Variants in FBXL13 observed in about 807,000 individuals in gnomAD.
FBXL13 encodes the protein F-box and leucine-rich repeat protein 13.
Under a neutral mutation model 83.6 loss-of-function variants are expected in FBXL13, and 67 were observed. That is an observed-to-expected ratio of 0.80 (90% CI 0.66 to 0.98). The LOEUF (loss-of-function observed/expected upper bound fraction) is 0.98, where lower values mean the gene tolerates loss of function less well. FBXL13 is among the 50% of genes least tolerant of loss of function. The probability of loss-of-function intolerance (pLI) is 0.00; values close to 1 mark genes in which losing one functional copy is unlikely to be tolerated. For missense variants in FBXL13, 822 were observed against 866.5 expected, an observed-to-expected ratio of 0.95 and a Z score of 0.64; for synonymous variants, 272 against 299.5, an observed-to-expected ratio of 0.91 and a Z score of 0.95.
intron 2 of FBXL13, among the ~76,000 whole-genome samples, chr7:103,035,540 G>A (rs1794983711): frequency 6.6e-6 from 1 of 152,026 alleles, no homozygotes; most frequent in Non-Finnish European, 1.5e-5. Flanking sequence ...TTTAATATAA[G>A]TAGTAATTGA....
intron 10 of FBXL13, among the ~76,000 whole-genome samples, chr7:102,915,747 G>A (rs1815726270): frequency 6.6e-6 from 1 of 150,920 alleles, no homozygotes; most frequent in South Asian, 2.1e-4. Context: ...ACATTTATGA[G>A]TAGAATAGTA....
intron 6 of FBXL13, among the ~76,000 whole-genome samples, chr7:103,020,426 G>A (rs1318014763): frequency 6.6e-6 from 1 of 152,208 alleles, no homozygotes; most frequent in Non-Finnish European, 1.5e-5. Flanking sequence ...AGACAAGGAT[G>A]TCCTCTCTCA....
chr7:102,973,422 GT>G, intron 6 of FBXL13: 1 of 706,768 alleles, frequency 1.4e-6, no homozygotes, highest in Non-Finnish European at 2.6e-6. Context: ...CCACATAGCA[GT>G]TACATCAGAC....
intron 9 of FBXL13, among the ~76,000 whole-genome samples, chr7:102,930,084 A>G (rs917036967): frequency 5.9e-5 from 9 of 152,166 alleles, no homozygotes; most frequent in African/African-American, 1.9e-4. Context: ...CAAAGACACA[A>G]TGAAATAGCA....
At chr7:103,070,866 A>G (rs1173051252) in intron 1 of FBXL13, among the ~76,000 whole-genome samples, 1 of 152,252 alleles carries the variant, frequency 6.6e-6, no homozygotes, top group East Asian at 1.9e-4. Flanking sequence ...ATCTGCCCAC[A>G]TGACTCAAAT....
intron 18 of FBXL13, among the ~76,000 whole-genome samples, chr7:102,823,389 A>G (rs1446406335): frequency 6.6e-6 from 1 of 152,218 alleles, no homozygotes; most frequent in Non-Finnish European, 1.5e-5. Context: ...AGATGTAAAA[A>G]AGATGGAGTA....
At chr7:102,953,196 C>T (rs547454520) in intron 8 of FBXL13, among the ~76,000 whole-genome samples, 1 of 152,132 alleles carries the variant, frequency 6.6e-6, no homozygotes, top group South Asian at 2.1e-4. Context: ...AAAGACATCA[C>T]AAGAAGGAAA....
downstream of FBXL13, among the ~76,000 whole-genome samples, chr7:102,812,012 TAA>T (rs899327704): frequency 6.6e-6 from 1 of 152,256 alleles, no homozygotes; most frequent in Non-Finnish European, 1.5e-5. Flanking sequence ...TGCTTTATCT[TAA>T]GTTTTTAATC....
rs1330279532 is a variant in FBXL13 at position 102,995,510 on chromosome 7, C to T, written c.496-27393G>A. 4.2e-5 allele frequency among the ~76,000 whole-genome samples: 6 copies of T among 143,224 alleles called. No homozygotes were observed. The East Asian group carries it at 1.2e-3, about 30-fold the overall frequency. The allele number at this position is 143,224 out of a possible 152,430, so 94.0% of individuals were successfully genotyped here. ...AAAAAAAAAAAAAAAAAAAATAGGC[C>T]GGGCACAGTGGCTCACGCCTGTAAT... On this transcript the variant is annotated intron_variant, in intron 6 of 19. Transcript: ENST00000313221.
At chr7:102,831,917 CTGAGATCTCTAGT>C in intron 18 of FBXL13, among the ~76,000 whole-genome samples, 1 of 152,210 alleles carries the variant, frequency 6.6e-6, no homozygotes, top group Non-Finnish European at 1.5e-5. Context: ...AATCCAGAAC[CTGAGATCTCTAGT>C]TCTTTACATG....
At chr7:102,961,709 A>T (rs1385861245) in intron 8 of FBXL13, among the ~76,000 whole-genome samples, 1 of 149,070 alleles carries the variant, frequency 6.7e-6, no homozygotes, top group Non-Finnish European at 1.5e-5. Context: ...GATCTTTGAC[A>T]AACCTGAGAA....
At chr7:102,914,295 ACT>A (rs1815385180) in intron 10 of FBXL13, among the ~76,000 whole-genome samples, 1 of 152,064 alleles carries the variant, frequency 6.6e-6, no homozygotes, top group Non-Finnish European at 1.5e-5. Flanking sequence ...CTGGCCTCGA[ACT>A]CCTGACCTCA....
At chr7:102,933,998 CG>C (rs1563113565) in intron 8 of FBXL13, 3 of 1,614,104 alleles carry the variant, frequency 1.9e-6, no homozygotes, top group Non-Finnish European at 2.5e-6. Flanking sequence ...TGTGAGAAGC[CG>C]AGTGAATCAT....
intron 17 of FBXL13, among the ~76,000 whole-genome samples, chr7:102,840,539 G>A (rs1802743142): frequency 6.6e-6 from 1 of 152,156 alleles, no homozygotes; most frequent in African/African-American, 2.4e-5. Context: ...TTTGTTCTTA[G>A]TCTTTCCCAA....
At chr7:102,872,250 A>G (rs1808620535) in intron 16 of FBXL13, among the ~76,000 whole-genome samples, 1 of 152,016 alleles carries the variant, frequency 6.6e-6, no homozygotes, top group South Asian at 2.1e-4. Context: ...ACCCTTCCAA[A>G]TTGGGCTGCA....
intron 10 of FBXL13, among the ~76,000 whole-genome samples, chr7:102,915,536 A>T (rs1470405174): frequency 1.3e-5 from 2 of 152,138 alleles, no homozygotes; most frequent in Admixed American, 1.3e-4. Flanking sequence ...AATCCATGTG[A>T]TCAGTTAACA....
At chr7:102,907,608 A>G (rs1813965146) in intron 11 of FBXL13, among the ~76,000 whole-genome samples, 1 of 152,046 alleles carries the variant, frequency 6.6e-6, no homozygotes, top group Admixed American at 6.6e-5. Flanking sequence ...GCTGAGAATG[A>G]TGGTTCCCAG....
downstream of FBXL13, among the ~76,000 whole-genome samples, chr7:102,811,613 T>C (rs1797442204): frequency 6.6e-6 from 1 of 152,246 alleles, no homozygotes; most frequent in Non-Finnish European, 1.5e-5. Flanking sequence ...GTGTGTTTCT[T>C]ACCGGGGTCT....
chr7:102,875,293 T>A (rs906322849), intron 16 of FBXL13, among the ~76,000 whole-genome samples: 1 of 151,242 alleles, frequency 6.6e-6, no homozygotes. Context: ...AGGAAAAGAA[T>A]CTATGTCAAA....
Sources: allele counts gnomAD v4.1 joint callset (sites outside exome capture counted in the v4.1 genomes callset), GRCh38; gene constraint gnomAD v4.1.1; transcripts MANE v1.5; gene names NCBI Gene and HGNC (gene_info 2026-07-23, HGNC 2026-07-21).